The following MRPS16 variants were observed in gnomAD, a reference collection of about 807,000 sequenced individuals.
MRPS16 encodes the protein mitochondrial ribosomal protein S16, also known as small ribosomal subunit protein bS16m.
MRPS16 carries 5 observed loss-of-function variants against 11.0 expected under a neutral mutation model. That is an observed-to-expected ratio of 0.46 (90% CI 0.24 to 0.96). The LOEUF (loss-of-function observed/expected upper bound fraction) is 0.96. MRPS16 is among the 40% of genes least tolerant of loss of function. MRPS16 has a pLI of 0.20. For synonymous variants in MRPS16, 76 were observed against 65.0 expected (o/e 1.17, Z -0.81); for missense variants, 179 against 174.4 (o/e 1.03, Z -0.15).
rs2044057594 is a variant in MRPS16, at chr10:73,249,604, AT to A, written c.*1247del. ...AATTGGCTTGGTGTCCTAATTCCCT[AT>A]TCCAGTATTCTCAGAAGGATCCCAT... On this transcript the variant is annotated 3_prime_UTR_variant, in exon 3 of 3. Transcript: ENST00000372945. The A allele has an allele frequency of 2.5e-6, 1 of 394,130 alleles. No individual in the cohort carries two copies. The highest frequency in any genetic ancestry group is 2.1e-5 in the African/African-American group (1 of 48,352). 24.4% of individuals were successfully genotyped at this position (394,130 alleles called of 1,614,324 possible).
rs1259244778 is a variant in MRPS16, at chr10:73,249,405, T to C, written c.*1447A>G. ...ACATTCAAACTATAAAGATCCCTTATAGATTACTGGCATCAAGGTAGGAAG... is the reference window on the plus strand; with the variant it reads ...ACATTCAAACTATAAAGATCCCTTACAGATTACTGGCATCAAGGTAGGAAG... On this transcript the variant is annotated 3_prime_UTR_variant, in exon 3 of 3. Transcript: ENST00000372945. The C allele has an allele frequency of 3.0e-6, 4 of 1,314,034 alleles. No individual in the cohort carries two copies. Among genetic ancestry groups the C allele is most frequent in the African/African-American group, 3.0e-5 (2 of 67,414 alleles). 81.4% of individuals were successfully genotyped at this position (1,314,034 alleles called of 1,614,324 possible). A position where few individuals can be genotyped will look rare whatever the true frequency, so the allele number is the denominator to read the frequency against.
At chr10:73,252,111 A>G (rs1364484571) in intron 1 of MRPS16, 88 bp from the exon 2 acceptor site, 1 of 1,518,516 alleles carries the variant, frequency 6.6e-7, no homozygotes, top group Admixed American at 1.9e-5. Context: ...TCCCACTGAA[A>G]TGTCTCACTT....
Position 73,251,995 on chromosome 10 carries a change from C to T in MRPS16, c.42G>A (p.Gly14=), listed in dbSNP as rs1270301013. Residue 14 remains glycine (G), a synonymous_variant, in exon 2 of 3, where the codon GGG becomes GGA. Transcript: ENST00000372945. ...GGGCAAGGCGGATGGTTAAGTGGCCCCCACGGTAGGCCTTGCAGAGGAGAG... is the reference window on the plus strand; with the variant it reads ...GGGCAAGGCGGATGGTTAAGTGGCCTCCACGGTAGGCCTTGCAGAGGAGAG... The part of the protein sequence containing the change: ...LTTLLCKAYR[G]GHLTIRLALG... 4 of 1,613,970 alleles carry T rather than the reference C, an allele frequency of 2.5e-6. No homozygotes were observed. In the East Asian group the frequency reaches 8.9e-5, roughly 36 times the overall value.
In MRPS16 at chr10:73,252,516, C is replaced by G; in HGVS notation, c.-34G>C. 6.2e-7 allele frequency: 1 copy of G among 1,604,574 alleles called. No individual in the cohort carries two copies. Among genetic ancestry groups the G allele is most frequent in the Non-Finnish European group, 8.5e-7 (1 of 1,179,346 alleles). The stretch of plus-strand genomic sequence containing the variant: ...CGGCGTGCGGCTCCTCGGAGAGCCC[C>G]GCTACCCGCACGCACCAGCTCTACG... On this transcript the variant is annotated 5_prime_UTR_variant, in exon 1 of 3. Coordinates refer to ENST00000372945, the MANE Select transcript of MRPS16 (RefSeq NM_016065.4).
Position 73,249,080 on chromosome 10 carries a change from A to G in MRPS16, c.*1772T>C. ...ACTATGGGTGAGCAACACCACAGCC[A>G]GCTAATTTTTTAAGTTTTTGTAGAG... On this transcript the variant is annotated 3_prime_UTR_variant, in exon 3 of 3. Coordinates refer to ENST00000372945, the MANE Select transcript of MRPS16 (RefSeq NM_016065.4). The G allele has an allele frequency of 3.3e-6, 2 of 600,074 alleles. No homozygotes were observed. The highest frequency in any genetic ancestry group is 3.6e-5 in the South Asian group (2 of 54,800). The allele number at this position is 600,074 out of a possible 1,614,324, so 37.2% of individuals were successfully genotyped here.
At position 73,250,852 on chromosome 10, in the gene MRPS16, T is replaced by C. The variant is rs1239608010; in HGVS notation, c.414A>G (p.Ter138=). ...EATDTEATET[*] ...GCTATGCTCACTAAAGTCAGCTCAT[T>C]TATGTTTCTGTAGCCTCTGTATCTG... The change falls in exon 3 of 3, where the codon TAA becomes TAG. Residue 138 remains the stop codon, a stop_retained_variant. Transcript: ENST00000372945. 1 of 1,613,854 alleles carries C rather than the reference T, an allele frequency of 6.2e-7. No homozygotes were observed.
In MRPS16 at chr10:73,249,465, A is replaced by G; in HGVS notation, c.*1387T>C. On this transcript the variant is annotated 3_prime_UTR_variant, in exon 3 of 3. Transcript: ENST00000372945. ...CAAGAAGTAAAATGCAACACTCATT[A>G]CAGGTTGTCAACATTATTGGTATAC... 1 of 750,612 alleles carries G rather than the reference A, an allele frequency of 1.3e-6. No individual in the cohort carries two copies. Among genetic ancestry groups the G allele is most frequent in the Non-Finnish European group, 2.1e-6 (1 of 469,206 alleles). The allele number at this position is 750,612 out of a possible 1,614,324, so 46.5% of individuals were successfully genotyped here. A position where few individuals can be genotyped will look rare whatever the true frequency, so the allele number is the denominator to read the frequency against.
chr10:73,250,844 C>A lies in MRPS16; in HGVS notation c.*8G>T, dbSNP rs2044079993. ...TTCCCACTGCTATGCTCACTAAAGT[C>A]AGCTCATTTATGTTTCTGTAGCCTC... On this transcript the variant is annotated 3_prime_UTR_variant, in exon 3 of 3. Coordinates refer to ENST00000372945, the MANE Select transcript of MRPS16 (RefSeq NM_016065.4). 3.1e-6 allele frequency: 5 copies of A among 1,613,392 alleles called. No individual in the cohort carries two copies. The African/African-American group carries it at 4.0e-5, about 13-fold the overall frequency.
At position 73,251,649 on chromosome 10, in the gene MRPS16, G is replaced by A. The variant is rs576456748; in HGVS notation, c.274+114C>T. 1.3e-5 allele frequency: 19 copies of A among 1,473,354 alleles called. No homozygotes were observed. The East Asian group carries it at 3.0e-4, about 23-fold the overall frequency. 91.3% of individuals were successfully genotyped at this position (1,473,354 alleles called of 1,614,324 possible). On this transcript the variant is annotated intron_variant, in intron 2 of 2. Coordinates refer to ENST00000372945, the MANE Select transcript of MRPS16 (RefSeq NM_016065.4). Reference sequence around the variant, plus strand: ...GCCCGCCTCGGCCTCCCAAAGCGCTGAGATTACAGGCGTGAGCCACCGTGC... The same window carrying A: ...GCCCGCCTCGGCCTCCCAAAGCGCTAAGATTACAGGCGTGAGCCACCGTGC...
chr10:73,251,227 C>T (rs945011090), intron 2 of MRPS16, among the ~76,000 whole-genome samples: 2 of 152,196 alleles, frequency 1.3e-5, no homozygotes, highest in Non-Finnish European at 2.9e-5. Context: ...CCATTCAAAA[C>T]ATACTATTCC....
Position 73,252,014 on chromosome 10 carries a change from A to G in MRPS16, c.23T>C (p.Leu8Pro). Reference sequence around the variant, plus strand: ...GTGGCCCCCACGGTAGGCCTTGCAGAGGAGAGTAGCTGTAGAAAAGCAGCT... The same window carrying G: ...GTGGCCCCCACGGTAGGCCTTGCAGGGGAGAGTAGCTGTAGAAAAGCAGCT... MVHLTTL[L>P]CKAYRGGHLT... Residue 8 changes from leucine to proline, a missense_variant, in exon 2 of 3, where the codon CTC becomes CCC. Leu to Pro is a moderately conservative substitution (Grantham distance 98). Coordinates refer to ENST00000372945, the MANE Select transcript of MRPS16 (RefSeq NM_016065.4). The G allele has an allele frequency of 6.2e-7, 1 of 1,613,738 alleles. No homozygotes were observed. Among genetic ancestry groups the G allele is most frequent in the Non-Finnish European group, 8.5e-7 (1 of 1,179,804 alleles).
Position 73,251,007 on chromosome 10 carries a change from T to C in MRPS16, c.275-16A>G. The C allele has an allele frequency of 1.2e-6, 2 of 1,613,762 alleles. No homozygotes were observed. The highest frequency in any genetic ancestry group is 1.7e-6 in the Non-Finnish European group (2 of 1,179,790). ...CCAGCAAGACCTAAAAGTAACAGAT[T>C]TTTCACTTATTATAACACAGTATAA... On this transcript the variant is annotated splice_polypyrimidine_tract_variant and intron_variant, in intron 2 of 2. Transcript: ENST00000372945.
At chr10:73,252,288 G>T (rs1337525628) in intron 1 of MRPS16, 182 bp downstream of exon 1, 4 of 1,108,926 alleles carry the variant, frequency 3.6e-6, no homozygotes, top group Admixed American at 2.0e-5. Flanking sequence ...CTTCAATGGG[G>T]TGGAAATTTT....
chr10:73,252,200 C>T (rs1564727547), intron 1 of MRPS16, 177 bp from the exon 2 acceptor site: 2 of 1,108,876 alleles, frequency 1.8e-6, no homozygotes, highest in Non-Finnish European at 2.6e-6. Context: ...CCAGCAATGA[C>T]CTCCTCCTCA....
chr10:73,249,426 G>A lies in MRPS16; in HGVS notation c.*1426C>T. On this transcript the variant is annotated 3_prime_UTR_variant, in exon 3 of 3. Transcript: ENST00000372945. ...CTTATAGATTACTGGCATCAAGGTA[G>A]GAAGGAAAAGATACAAGAAGTAAAA... is the stretch of plus-strand genomic sequence containing the variant. 8.9e-7 allele frequency: 1 copy of A among 1,120,578 alleles called. No homozygotes were observed. The highest frequency in any genetic ancestry group is 1.3e-6 in the Non-Finnish European group (1 of 786,302). 69.4% of individuals were successfully genotyped at this position (1,120,578 alleles called of 1,614,324 possible).
chr10:73,251,757 A>G lies in MRPS16; in HGVS notation c.274+6T>C. On this transcript the variant is annotated splice_donor_region_variant and intron_variant, in intron 2 of 2. Coordinates refer to ENST00000372945, the MANE Select transcript of MRPS16 (RefSeq NM_016065.4). ...CCTCAATAAGGTAAGACCAGAGCTG[A>G]GTTACCCAGAAGCTTTTCCATAGGC... The G allele has an allele frequency of 1.2e-6, 2 of 1,614,158 alleles. No homozygotes were observed. The highest frequency in any genetic ancestry group is 1.7e-6 in the Non-Finnish European group (2 of 1,180,032).
chr10:73,250,500 T>C lies in MRPS16; in HGVS notation c.*352A>G. 3.1e-6 allele frequency: 1 copy of C among 324,870 alleles called. No homozygotes were observed. The allele number at this position is 324,870 out of a possible 1,614,324, so 20.1% of individuals were successfully genotyped here. On this transcript the variant is annotated 3_prime_UTR_variant, in exon 3 of 3. Coordinates refer to ENST00000372945, the MANE Select transcript of MRPS16 (RefSeq NM_016065.4). ...CACTTGTGGGATGAACATGAAGATC[T>C]GAATGGGCCATGAATAGTCTGGCTG...
intron 2 of MRPS16, 85 bp downstream of exon 2, chr10:73,251,678 G>A: frequency 6.3e-7 from 1 of 1,592,758 alleles, no homozygotes; most frequent in Non-Finnish European, 8.6e-7. Context: ...ACCGTGCCCA[G>A]CCGAAAATCA....
At chr10:73,252,303 C>T (rs1170388099) in intron 1 of MRPS16, 167 bp downstream of exon 1, 3 of 1,182,292 alleles carry the variant, frequency 2.5e-6, no homozygotes, top group Non-Finnish European at 3.6e-6. Flanking sequence ...AATTTTTCAG[C>T]GGTGATTAAG....
Sources: gnomAD v4.1 joint callset for allele counts (sites outside exome capture counted in the v4.1 genomes callset) on GRCh38, gnomAD v4.1.1 for gene constraint, MANE v1.5 for transcripts, NCBI Gene and HGNC (gene_info 2026-07-23, HGNC 2026-07-21) for gene names.